Variants in CARS2 observed in about 807,000 individuals in gnomAD.
CARS2 encodes the protein cysteinyl-tRNA synthetase 2, mitochondrial.
A neutral mutation model predicts 68.8 loss-of-function variants in CARS2; 52 were observed. The observed-to-expected ratio is 0.76, with a 90% CI of 0.61 to 0.95. CARS2 has a LOEUF of 0.95. CARS2 is among the 40% of genes least tolerant of loss of function. CARS2 has a pLI of 0.00. For missense variants in CARS2, 780 were observed against 754.2 expected, an observed-to-expected ratio of 1.03 and a Z score of -0.40; for synonymous variants, 314 against 303.6, an observed-to-expected ratio of 1.03 and a Z score of -0.36.
chr13:110,695,650 G>A (rs1241779751), intron 3 of CARS2, among the ~76,000 whole-genome samples: 1 of 152,086 alleles, frequency 6.6e-6, no homozygotes, highest in East Asian at 1.9e-4. Context: ...TGTACTTAAT[G>A]CCACTGAATT....
At chr13:110,641,703 C>T (rs1887324714) in intron 14 of CARS2, 95 bp from the exon 15 acceptor site, 1 of 981,618 alleles carries the variant, frequency 1.0e-6, no homozygotes, top group Non-Finnish European at 1.6e-6. Flanking sequence ...TGCCTGTTCC[C>T]TCACCGGCCT....
rs1379944662 is a variant in CARS2 at position 110,705,804 on chromosome 13, C to T, written c.224+66G>A. ...AAACGCCCTCCCCGAGCCCAGATCC[C>T]GTTCAGCCGTGGGAAGTCTCCGCCA... On this transcript the variant is annotated intron_variant, in intron 1 of 14. Transcript: ENST00000257347. This position sits in a 1 kb window ranked among gnomAD's most constrained non-coding sequence, Gnocchi z 4.0. 6.6e-7 allele frequency: 1 copy of T among 1,525,020 alleles called. No individual in the cohort carries two copies. Among genetic ancestry groups the T allele is most frequent in the Non-Finnish European group, 8.8e-7 (1 of 1,138,234 alleles). 94.5% of individuals were successfully genotyped at this position (1,525,020 alleles called of 1,614,324 possible). A position where few individuals can be genotyped will look rare whatever the true frequency, so the allele number is the denominator to read the frequency against.
chr13:110,651,212 C>G, intron 9 of CARS2, 112 bp from the exon 10 acceptor site: 1 of 675,080 alleles, frequency 1.5e-6, no homozygotes, highest in African/African-American at 1.9e-5. Flanking sequence ...ATCAAGAAAT[C>G]AGGAACCTTG....
upstream of CARS2, among the ~76,000 whole-genome samples, chr13:110,709,421 C>T (rs75939129): frequency 1.3e-5 from 2 of 151,922 alleles, no homozygotes; most frequent in South Asian, 2.1e-4. Context: ...AAGGCTTTTG[C>T]GGATCATCAA....
chr13:110,662,286 C>CCG (rs1594278787), intron 9 of CARS2, among the ~76,000 whole-genome samples: 1 of 98,156 alleles, frequency 1.0e-5, no homozygotes, highest in Admixed American at 1.3e-4. Flanking sequence ...GGGCTCCGAC[C>CCG]CCCCTCTGCG....
chr13:110,712,194 GGGCTTAGTTCGT>G (rs1403353326), intron 1 of CARS2: 1 of 151,256 alleles, frequency 6.6e-6, no homozygotes, highest in Admixed American at 6.6e-5. Context: ...GCTGGGGACA[GGGCTTAGTTCGT>G]GGAATACACA....
rs111616844 is a variant in CARS2, at chr13:110,680,158, G to T, written c.655+2893C>A. Among the ~76,000 whole-genome samples, 563 of 147,294 alleles carry T rather than the reference G, an allele frequency of 3.8e-3. 9 individuals carry two copies. The highest frequency in any genetic ancestry group is 5.8e-3 in the Admixed American group (86 of 14,746). Reference sequence around the variant, plus strand: ...ACTTTGGGAGGCCGAGGGGGGGGGGGGGGGGGGTGGATCACCTGAGGTCAG... The same window carrying T: ...ACTTTGGGAGGCCGAGGGGGGGGGGTGGGGGGGTGGATCACCTGAGGTCAG... On this transcript the variant is annotated intron_variant, in intron 6 of 14. Transcript: ENST00000257347.
Position 110,651,111 on chromosome 13 carries a change from G to A in CARS2, c.988-11C>T, listed in dbSNP as rs201251622. The stretch of plus-strand genomic sequence containing the variant: ...GGTCTTCAGAAAGTCCTGGTAAAGC[G>A]AGAGACAGGCAGTCACGAGGCTTTG... On this transcript the variant is annotated splice_polypyrimidine_tract_variant and intron_variant, in intron 9 of 14. Coordinates refer to ENST00000257347, the MANE Select transcript of CARS2 (RefSeq NM_024537.4). The A allele has an allele frequency of 1.9e-5, 30 of 1,607,038 alleles. No homozygotes were observed. The highest frequency in any genetic ancestry group is 1.5e-4 in the South Asian group (14 of 90,894).
intron 3 of CARS2, among the ~76,000 whole-genome samples, chr13:110,689,532 G>C (rs142691557): frequency 6.6e-6 from 1 of 152,324 alleles, no homozygotes; most frequent in African/African-American, 2.4e-5. Context: ...TGCTACCCAG[G>C]TGTTGTTTAA....
rs187016792 is a variant in CARS2, at chr13:110,662,843, A to G, written c.987+608T>C. 3.6e-3 allele frequency: 1,300 copies of G among 366,066 alleles called. 5 individuals carry two copies. Among genetic ancestry groups the G allele is most frequent in the Admixed American group, 7.2e-3 (215 of 29,920 alleles). The allele number at this position is 366,066 out of a possible 1,614,324, so 22.7% of individuals were successfully genotyped here. ...TTGCTATTTAGGCGGTGAGATCTGG[A>G]TACTATTCTTCTCCATTTATTTTGC... On this transcript the variant is annotated intron_variant, in intron 9 of 14. Coordinates refer to ENST00000257347, the MANE Select transcript of CARS2 (RefSeq NM_024537.4).
At position 110,642,294 on chromosome 13, in the gene CARS2, T is replaced by C. The variant is rs531837939; in HGVS notation, c.1623+21A>G. On this transcript the variant is annotated intron_variant, in intron 14 of 14. Coordinates refer to ENST00000257347, the MANE Select transcript of CARS2 (RefSeq NM_024537.4). ...TACCCGGCTCCTGGGGTGATGTCCC[T>C]GACCTTGGTGCGGCACTCACCTTGA... 177 of 1,540,718 alleles carry C rather than the reference T, an allele frequency of 1.1e-4. 3 individuals carry two copies. The South Asian group carries it at 2.0e-3, about 17-fold the overall frequency.
At position 110,701,431 on chromosome 13, in the gene CARS2, C is replaced by T. The variant is rs769645950; in HGVS notation, c.393+7G>A. ...ATTATCAATAGATGTAACTCTTCTC[C>T]ACTTACCTCATTGGCTCTTTTGATG... On this transcript the variant is annotated splice_region_variant and intron_variant, in intron 3 of 14. Transcript: ENST00000257347. 5.9e-6 allele frequency: 7 copies of T among 1,189,676 alleles called. No homozygotes were observed. Among genetic ancestry groups the T allele is most frequent in the Non-Finnish European group, 7.6e-6 (6 of 792,636 alleles). The allele number at this position is 1,189,676 out of a possible 1,614,324, so 73.7% of individuals were successfully genotyped here.
At chr13:110,646,320 A>G in intron 11 of CARS2, 1 of 465,724 alleles carries the variant, frequency 2.1e-6, no homozygotes. Context: ...CACCTGTGAC[A>G]CTTAAAATAC....
chr13:110,707,194 C>T (rs891767345), upstream of CARS2: 1 of 149,502 alleles, frequency 6.7e-6, no homozygotes, highest in African/African-American at 2.5e-5. Flanking sequence ...TGTGCGCCCC[C>T]ACACATCTAC....
chr13:110,713,008 C>T (rs1279724119), intron 1 of CARS2: 2 of 1,532,838 alleles, frequency 1.3e-6, no homozygotes, highest in Non-Finnish European at 1.8e-6. Context: ...GCGGCCGCAG[C>T]TCAAAGGACA....
chr13:110,643,199 G>A (rs1243365451), intron 13 of CARS2: 2 of 180,470 alleles, frequency 1.1e-5, no homozygotes, highest in Admixed American at 1.1e-4. Context: ...CAGACATTGG[G>A]CCTTGCGGCC....
Position 110,668,497 on chromosome 13 carries a change from G to C in CARS2, c.786-1024C>G, listed in dbSNP as rs560227550. On this transcript the variant is annotated intron_variant, in intron 7 of 14. Coordinates refer to ENST00000257347, the MANE Select transcript of CARS2 (RefSeq NM_024537.4). The surrounding 1 kb of genome is among the most constrained non-coding windows in gnomAD (Gnocchi z 4.1). ...GCGGAGCTTGCAGTGAGCCGAGATC[G>C]CGCCACTGCACTCCAGCCTGGGTGA... Among the ~76,000 whole-genome samples, 4 of 151,494 alleles carry C rather than the reference G, an allele frequency of 2.6e-5. No individual in the cohort carries two copies. The highest frequency in any genetic ancestry group is 1.3e-4 in the Admixed American group (2 of 15,230).
At position 110,641,533 on chromosome 13, in the gene CARS2, A is replaced by T; in HGVS notation, c.*4T>A. 1 of 1,611,292 alleles carries T rather than the reference A, an allele frequency of 6.2e-7. No homozygotes were observed. Among genetic ancestry groups the T allele is most frequent in the Non-Finnish European group, 8.5e-7 (1 of 1,177,372 alleles). Reference sequence around the variant, plus strand: ...GTGAGCAGGTTCATGGCTGTGCTCCATCCTCAGCCCGCTGATTTTTGGTCT... The same window carrying T: ...GTGAGCAGGTTCATGGCTGTGCTCCTTCCTCAGCCCGCTGATTTTTGGTCT... On this transcript the variant is annotated 3_prime_UTR_variant, in exon 15 of 15. Transcript: ENST00000257347.
intron 9 of CARS2, among the ~76,000 whole-genome samples, chr13:110,657,510 A>C (rs2062401553): frequency 6.6e-6 from 1 of 152,248 alleles, no homozygotes. Context: ...CTCCCTGGCT[A>C]AATCCGGGAT....
Sources: gnomAD v4.1 joint callset for allele counts (sites outside exome capture counted in the v4.1 genomes callset) on GRCh38, gnomAD v4.1.1 for gene constraint, Gnocchi (gnomAD v3.1) non-coding constraint, MANE v1.5 for transcripts, NCBI Gene and HGNC (gene_info 2026-07-23, HGNC 2026-07-21) for gene names.